ERCC6: variants seen among roughly 807,000 people sequenced by gnomAD.
ERCC6 encodes the protein DNA excision repair protein ERCC-6.
ERCC6 carries 116 observed loss-of-function variants against 158.7 expected under a neutral mutation model. That is an observed-to-expected ratio of 0.73 (90% CI 0.63 to 0.85). ERCC6 has a LOEUF of 0.85. Ranked by LOEUF, ERCC6 falls within the 40% of genes least tolerant of loss-of-function variation. The probability of loss-of-function intolerance (pLI) is 0.00; values close to 1 mark genes in which losing one functional copy is unlikely to be tolerated. For missense variants in ERCC6, 1,698 were observed against 1,799.4 expected, an observed-to-expected ratio of 0.94 and a Z score of 1.02; for synonymous variants, 678 against 659.3, an observed-to-expected ratio of 1.03 and a Z score of -0.43.
chr10:49,499,732 C>T (rs565068597), intron 7 of ERCC6, among the ~76,000 whole-genome samples: 1 of 152,292 alleles, frequency 6.6e-6, no homozygotes, highest in East Asian at 1.9e-4. Flanking sequence ...TATGGAAGTG[C>T]TCATAGTACT....
chr10:49,444,804 T>G, the ERCC6 span, among the ~76,000 whole-genome samples: 9 of 152,048 alleles, frequency 5.9e-5, 1 homozygote, highest in Admixed American at 5.9e-4. Flanking sequence ...CAAGAACAAC[T>G]TTCACACATG....
chr10:49,487,775 T>C (rs942425713), intron 8 of ERCC6, among the ~76,000 whole-genome samples: 4 of 152,184 alleles, frequency 2.6e-5, no homozygotes, highest in Admixed American at 2.0e-4. Flanking sequence ...AATATTATTA[T>C]AGGTATAGAA....
chr10:49,475,885 A>G (rs1404072529), intron 12 of ERCC6, among the ~76,000 whole-genome samples: 1 of 152,172 alleles, frequency 6.6e-6, no homozygotes, highest in Non-Finnish European at 1.5e-5. Context: ...TATCTGGGAA[A>G]ATGCAGCTAT....
chr10:49,521,561 A>G (rs1837163810), intron 5 of ERCC6, among the ~76,000 whole-genome samples: 1 of 152,264 alleles, frequency 6.6e-6, no homozygotes, highest in South Asian at 2.1e-4. Flanking sequence ...ATGTTTTACA[A>G]GACCTGTATA....
the ERCC6 span, among the ~76,000 whole-genome samples, chr10:49,444,944 G>A: frequency 6.6e-6 from 1 of 152,078 alleles, no homozygotes; most frequent in East Asian, 1.9e-4. Context: ...TATATTAAAA[G>A]CGAAATATAT....
chr10:49,530,859 T>G lies in ERCC6; in HGVS notation c.423-19A>C, dbSNP rs762272573. On this transcript the variant is annotated intron_variant, in intron 2 of 20. Transcript: ENST00000355832. Reference sequence around the variant, plus strand: ...ACATGACCTGAAAAATAAGATAAATTGTCTATTTTGCACTCTGATAACATT... The same window carrying G: ...ACATGACCTGAAAAATAAGATAAATGGTCTATTTTGCACTCTGATAACATT... 8 of 1,611,762 alleles carry G rather than the reference T, an allele frequency of 5.0e-6. No individual in the cohort carries two copies. Among genetic ancestry groups the G allele is most frequent in the Non-Finnish European group, 6.8e-6 (8 of 1,179,102 alleles).
intron 6 of ERCC6, chr10:49,503,624 G>C (rs1851391690): frequency 6.6e-6 from 1 of 152,120 alleles, no homozygotes; most frequent in African/African-American, 2.4e-5. Context: ...ATAAGGGCCT[G>C]AGCTCAGGTT....
At chr10:49,485,618 TAGAAAGGTACAC>T (rs758404624) in intron 8 of ERCC6, among the ~76,000 whole-genome samples, 4 of 152,148 alleles carry the variant, frequency 2.6e-5, no homozygotes, top group Non-Finnish European at 5.9e-5. Flanking sequence ...TGTCCAATGG[TAGAAAGGTACAC>T]AGGCAATAGA....
intron 8 of ERCC6, among the ~76,000 whole-genome samples, chr10:49,486,877 T>C (rs1851087788): frequency 6.6e-6 from 1 of 152,224 alleles, no homozygotes; most frequent in Non-Finnish European, 1.5e-5. Context: ...TAGCAAACCC[T>C]GTTTTCAAAA....
rs150801494 is a variant in ERCC6 at position 49,506,725 on chromosome 10, CA to C, written c.1398-714del. Among the ~76,000 whole-genome samples, 415 of 151,610 alleles carry C rather than the reference CA, an allele frequency of 2.7e-3. 1 individual carries two copies. The highest frequency in any genetic ancestry group is 9.8e-3 in the African/African-American group (404 of 41,356). On this transcript the variant is annotated intron_variant, in intron 5 of 20. Transcript: ENST00000355832. Reference sequence around the variant, plus strand: ...ATATCTGAAAGTCTTAGCAATACACCAAGGTTGTGGAGAAGGTGCACCCATT... The same window carrying C: ...ATATCTGAAAGTCTTAGCAATACACCAGGTTGTGGAGAAGGTGCACCCATT...
In ERCC6 at chr10:49,493,226, A is replaced by G. The variant is rs1851207691; in HGVS notation, c.1712T>C (p.Ile571Thr). 3 of 1,614,036 alleles carry G rather than the reference A, an allele frequency of 1.9e-6. No individual in the cohort carries two copies. The African/African-American group carries it at 4.0e-5, about 22-fold the overall frequency. The change falls in exon 8 of 21, where the codon ATT becomes ACT. Residue 571 changes from isoleucine (I) to threonine (T), a missense_variant. Ile to Thr is a moderately conservative substitution (Grantham distance 89). Transcript: ENST00000355832. ...YRFEGLGPTV[I>T]VCPTTVMHQW... ...ATGCATCACTGTTGTTGGACAGACA[A>G]TTACAGTTGGACCCAACCCCTCAAA... is the stretch of plus-strand genomic sequence containing the variant.
chr10:49,442,670 T>TGCTTGGTTG, the ERCC6 span, among the ~76,000 whole-genome samples: 1 of 151,722 alleles, frequency 6.6e-6, no homozygotes, highest in African/African-American at 2.4e-5. Context: ...CATCACACTG[T>TGCTTGGTTG]GCTTGGTTGA....
chr10:49,517,169 C>T (rs1837002287), intron 5 of ERCC6: 1 of 1,512,590 alleles, frequency 6.6e-7, no homozygotes, highest in Non-Finnish European at 8.9e-7. Context: ...GTGGTTTTGC[C>T]TAGTGTTCCA....
chr10:49,434,955 C>A, the ERCC6 span, among the ~76,000 whole-genome samples: 9 of 152,218 alleles, frequency 5.9e-5, no homozygotes, highest in South Asian at 1.9e-3. Flanking sequence ...TGAAAATTAT[C>A]TGTATACTGA....
At position 49,461,522 on chromosome 10, in the gene ERCC6, G is replaced by A; in HGVS notation, c.3813C>T (p.Ile1271=). The part of the protein sequence containing the change: ...GVHSVMKHDA[I]MDGASPDYVL... ...CATAATCTGGGCTGGCTCCATCCATGATGGCATCGTGCTTCATGACACTGT... is the reference window on the plus strand; with the variant it reads ...CATAATCTGGGCTGGCTCCATCCATAATGGCATCGTGCTTCATGACACTGT... Residue 1271 remains isoleucine, a synonymous_variant, in exon 19 of 21, where the codon ATC becomes ATT. Transcript: ENST00000355832. 6.2e-7 allele frequency: 1 copy of A among 1,614,098 alleles called. No individual in the cohort carries two copies. The highest frequency in any genetic ancestry group is 8.5e-7 in the Non-Finnish European group (1 of 1,180,004).
intron 2 of ERCC6, among the ~76,000 whole-genome samples, chr10:49,531,660 T>C (rs867889307): frequency 6.6e-6 from 1 of 152,106 alleles, no homozygotes; most frequent in Non-Finnish European, 1.5e-5. Flanking sequence ...ACTATAACCA[T>C]GAACGAGCAC....
At chr10:49,494,507 T>TCA (rs1851232590) in intron 7 of ERCC6, among the ~76,000 whole-genome samples, 1 of 152,228 alleles carries the variant, frequency 6.6e-6, no homozygotes, top group African/African-American at 2.4e-5. Flanking sequence ...GGCCATTGTC[T>TCA]CAACATGCAT....
Position 49,458,690 on chromosome 10 carries a change from G to C in ERCC6, c.*125C>G. The C allele has an allele frequency of 2.2e-6, 2 of 910,578 alleles. No homozygotes were observed. Among genetic ancestry groups the C allele is most frequent in the Non-Finnish European group, 3.5e-6 (2 of 573,236 alleles). The allele number at this position is 910,578 out of a possible 1,614,324, so 56.4% of individuals were successfully genotyped here. A position where few individuals can be genotyped will look rare whatever the true frequency, so the allele number is the denominator to read the frequency against. ...TCCTTAAAGTTTTAATTCTGAGGTA[G>C]ACATCATGCAAACAAACATCAAGTG... On this transcript the variant is annotated 3_prime_UTR_variant, in exon 21 of 21. Coordinates refer to ENST00000355832, the MANE Select transcript of ERCC6 (RefSeq NM_000124.4).
the ERCC6 span, among the ~76,000 whole-genome samples, chr10:49,443,889 C>T: frequency 7.9e-5 from 12 of 152,316 alleles, no homozygotes; most frequent in African/African-American, 2.4e-4. Context: ...CTATGACATG[C>T]TGCTCAGAAC....
Sources: gnomAD v4.1 joint callset for allele counts (sites outside exome capture counted in the v4.1 genomes callset) on GRCh38, gnomAD v4.1.1 for gene constraint, MANE v1.5 for transcripts, NCBI Gene and HGNC (gene_info 2026-07-23, HGNC 2026-07-21) for gene names.